The following PCDHGA2 variants were observed in gnomAD, a reference collection of about 807,000 sequenced individuals.
PCDHGA2 encodes protocadherin gamma subfamily A, 2.
A neutral mutation model predicts 59.2 loss-of-function variants in PCDHGA2; 40 were observed. The observed-to-expected ratio is 0.68, with a 90% CI of 0.52 to 0.88. The LOEUF (loss-of-function observed/expected upper bound fraction) is 0.88. PCDHGA2 is among the 40% of genes least tolerant of loss of function. PCDHGA2 has a pLI of 0.00. For synonymous variants in PCDHGA2, 560 were observed against 526.0 expected (o/e 1.06, Z -0.89); for missense variants, 1,226 against 1,204.0 (o/e 1.02, Z -0.27).
intron 1 of PCDHGA2, among the ~76,000 whole-genome samples, chr5:141,438,263 A>G (rs2097944986): frequency 6.6e-6 from 1 of 152,144 alleles, no homozygotes; most frequent in South Asian, 2.1e-4. Flanking sequence ...AAGAGACCAT[A>G]GAATCAAACA....
chr5:141,340,349 T>C lies in PCDHGA2; in HGVS notation c.1378T>C (p.Tyr460His), dbSNP rs1379135599. The change falls in exon 1 of 4, where the codon TAC becomes CAC. Residue 460 changes from tyrosine to histidine, a missense_variant. Physicochemically the swap from Tyr to His is moderately conservative, Grantham distance 83. Coordinates refer to ENST00000394576, the MANE Select transcript of PCDHGA2 (RefSeq NM_018915.4). ...CTTCTCCCGCACATCCTACTCCACCTACATTCCCGAAAACAACCCCAGAGG... is the reference window on the plus strand; with the variant it reads ...CTTCTCCCGCACATCCTACTCCACCCACATTCCCGAAAACAACCCCAGAGG... ...PAFSRTSYST[Y>H]IPENNPRGAS... 6.2e-7 allele frequency: 1 copy of C among 1,613,972 alleles called. No individual in the cohort carries two copies. The highest frequency in any genetic ancestry group is 8.5e-7 in the Non-Finnish European group (1 of 1,180,020).
In PCDHGA2 at chr5:141,487,268, G is replaced by A; in HGVS notation, c.2425-7539G>A. ...CCTCTACTTGGCTGTGTCCCTAGTG[G>A]CAATTTGCTTTGTCTCCTTTGGCTC... On this transcript the variant is annotated intron_variant, in intron 1 of 3. Transcript: ENST00000394576. This position sits in a 1 kb window ranked among gnomAD's most constrained non-coding sequence, Gnocchi z 5.0. 4 of 1,614,100 alleles carry A rather than the reference G, an allele frequency of 2.5e-6. No homozygotes were observed. The South Asian group carries it at 4.4e-5, about 18-fold the overall frequency.
At chr5:141,390,466 G>C (rs753916175) in intron 1 of PCDHGA2, 7 of 711,916 alleles carry the variant, frequency 9.8e-6, no homozygotes, top group Admixed American at 3.0e-5. Context: ...AGGAGCAATT[G>C]TGTGGCCCAA....
chr5:141,494,764 T>A (rs773955144), intron 1 of PCDHGA2, 43 bp from the exon 2 acceptor site: 1 of 1,613,932 alleles, frequency 6.2e-7, no homozygotes, highest in Non-Finnish European at 8.5e-7. Context: ...ACATTCTAAC[T>A]TCTCACGGGT....
In PCDHGA2 at chr5:141,375,693, G is replaced by C. The variant is rs112671050; in HGVS notation, c.2424+34298G>C. 1,209 of 1,614,256 alleles carry C rather than the reference G, an allele frequency of 7.5e-4. 14 individuals carry two copies. In the African/African-American group the frequency reaches 0.015, roughly 20 times the overall value. On this transcript the variant is annotated intron_variant, in intron 1 of 3. Coordinates refer to ENST00000394576, the MANE Select transcript of PCDHGA2 (RefSeq NM_018915.4). ...CAGCTGTGGGTGACAGCCAGCGACA[G>C]CGGGGACCCGCCTCTTAGCAGCAAC... is the stretch of plus-strand genomic sequence containing the variant.
In PCDHGA2 at chr5:141,419,493, A is replaced by G. The variant is rs1246204844; in HGVS notation, c.2425-75314A>G. 5.0e-6 allele frequency: 8 copies of G among 1,612,382 alleles called. No individual in the cohort carries two copies. The highest frequency in any genetic ancestry group is 1.7e-4 in the Middle Eastern group (1 of 5,978). On this transcript the variant is annotated intron_variant, in intron 1 of 3. Coordinates refer to ENST00000394576, the MANE Select transcript of PCDHGA2 (RefSeq NM_018915.4). ...CAGGGCTCGCCCGCGCTCAGCGCCA[A>G]TGTGAGCCTGCGCGTGTTGGTGGGC...
chr5:141,345,566 T>C (rs975447371), intron 1 of PCDHGA2: 1 of 1,614,064 alleles, frequency 6.2e-7, no homozygotes, highest in Non-Finnish European at 8.5e-7. Context: ...ACTCCAACAC[T>C]GGCGTCCTAT....
At chr5:141,385,662 A>G (rs2090316045) in intron 1 of PCDHGA2, 11 of 492,642 alleles carry the variant, frequency 2.2e-5, no homozygotes, top group Non-Finnish European at 2.8e-5. Context: ...GTTAGCAGGA[A>G]TAAAACACAC....
At chr5:141,421,921 G>T in intron 1 of PCDHGA2, 1 of 1,613,644 alleles carries the variant, frequency 6.2e-7, no homozygotes, top group Non-Finnish European at 8.5e-7. Context: ...CATTCGTGTG[G>T]TGGTCCTCGA....
At position 141,393,422 on chromosome 5, in the gene PCDHGA2, G is replaced by C. The variant is rs552855100; in HGVS notation, c.2424+52027G>C. 12 of 1,614,042 alleles carry C rather than the reference G, an allele frequency of 7.4e-6. No individual in the cohort carries two copies. The East Asian group carries it at 2.7e-4, about 36-fold the overall frequency. On this transcript the variant is annotated intron_variant, in intron 1 of 3. Coordinates refer to ENST00000394576, the MANE Select transcript of PCDHGA2 (RefSeq NM_018915.4). ...TGCTGGAGCGCGCCCTGGACAGGGA[G>C]GAAGAGGCTGCTCACCACCTGGTCC...
intron 1 of PCDHGA2, chr5:141,383,664 G>T (rs1486639863): frequency 6.2e-7 from 1 of 1,614,052 alleles, no homozygotes; most frequent in Non-Finnish European, 8.5e-7. Flanking sequence ...CCGAGAATGT[G>T]CCAGTGGGTA....
chr5:141,511,048 C>G lies in PCDHGA2; in HGVS notation c.2674C>G (p.Arg892Gly). The G allele has an allele frequency of 6.2e-7, 1 of 1,614,224 alleles. No homozygotes were observed. Among genetic ancestry groups the G allele is most frequent in the Non-Finnish European group, 8.5e-7 (1 of 1,180,028 alleles). ...QFTLQHVPDYRQNVYIPGSNA... is the reference protein window; with the variant it reads ...QFTLQHVPDYGQNVYIPGSNA... ...CACCCTGCAGCACGTGCCCGACTAC[C>G]GCCAGAATGTCTACATCCCAGGCAG... Residue 892 changes from arginine (R) to glycine (G), a missense_variant, in exon 4 of 4, where the codon CGC becomes GGC. Arg to Gly is a moderately radical substitution (Grantham distance 125, BLOSUM62 -2). Transcript: ENST00000394576.
In PCDHGA2 at chr5:141,493,307, AAG is replaced by A. The variant is rs2099747490; in HGVS notation, c.2425-1494_2425-1493del. Among the ~76,000 whole-genome samples, 1 of 152,234 alleles carries A rather than the reference AAG, an allele frequency of 6.6e-6. No homozygotes were observed. Among genetic ancestry groups the A allele is most frequent in the South Asian group, 2.1e-4 (1 of 4,832 alleles). ...ACTTGCTCAAGTTCACAGAGCAAGT[AAG>A]AGAGATTCTAACCCCTGTCTAACTC... On this transcript the variant is annotated intron_variant, in intron 1 of 3. Transcript: ENST00000394576. This position sits in a 1 kb window ranked among gnomAD's most constrained non-coding sequence, Gnocchi z 4.3.
intron 1 of PCDHGA2, chr5:141,441,728 G>T: frequency 2.8e-6 from 1 of 361,966 alleles, no homozygotes. Flanking sequence ...CCCGCGACCA[G>T]GACTAGCTCG....
At position 141,491,884 on chromosome 5, in the gene PCDHGA2, G is replaced by A. The variant is rs745931108; in HGVS notation, c.2425-2923G>A. The A allele has an allele frequency of 2.8e-6, 4 of 1,446,372 alleles. No homozygotes were observed. The highest frequency in any genetic ancestry group is 2.9e-5 in the Admixed American group (1 of 34,718). 89.6% of individuals were successfully genotyped at this position (1,446,372 alleles called of 1,614,324 possible). ...AACCAGAGTGGCCGATTAAGGGATG[G>A]GGCTCCGAGCACCGGGGGTGGTGGC... On this transcript the variant is annotated intron_variant, in intron 1 of 3. Coordinates refer to ENST00000394576, the MANE Select transcript of PCDHGA2 (RefSeq NM_018915.4). This position sits in a 1 kb window ranked among gnomAD's most constrained non-coding sequence, Gnocchi z 6.9.
chr5:141,339,319 T>C lies in PCDHGA2; in HGVS notation c.348T>C (p.Ile116=). 1 of 1,614,250 alleles carries C rather than the reference T, an allele frequency of 6.2e-7. No individual in the cohort carries two copies. Among genetic ancestry groups the C allele is most frequent in the Non-Finnish European group, 8.5e-7 (1 of 1,180,034 alleles). The change falls in exon 1 of 4, where the codon ATT becomes ATC. Residue 116 remains isoleucine (I), a synonymous_variant. Transcript: ENST00000394576. The stretch of plus-strand genomic sequence containing the variant: ...TTCTGCTGGAGGATAAATTGACTAT[T>C]TATTCAGTAGAGGTGGAAATAACAG... The part of the protein sequence containing the change: ...FNILLEDKLT[I]YSVEVEITDI...
intron 1 of PCDHGA2, chr5:141,352,199 C>G: frequency 6.2e-7 from 1 of 1,613,920 alleles, no homozygotes; most frequent in Non-Finnish European, 8.5e-7. Context: ...TGATGGAGGA[C>G]AGCCGCCACT....
At chr5:141,399,655 G>A in intron 1 of PCDHGA2, 2 of 1,613,730 alleles carry the variant, frequency 1.2e-6, no homozygotes, top group South Asian at 1.1e-5. Context: ...AAGTGGGGTG[G>A]TGTTCGCGCA....
chr5:141,382,577 A>T (rs533715089), intron 1 of PCDHGA2, among the ~76,000 whole-genome samples: 47 of 152,338 alleles, frequency 3.1e-4, no homozygotes, highest in Middle Eastern at 6.8e-3. Flanking sequence ...TCTAACAGGG[A>T]AATTTTGAAA....
Sources: gnomAD v4.1 joint callset for allele counts (sites outside exome capture counted in the v4.1 genomes callset) on GRCh38, gnomAD v4.1.1 for gene constraint, Gnocchi (gnomAD v3.1) non-coding constraint, MANE v1.5 for transcripts, NCBI Gene and HGNC (gene_info 2026-07-23, HGNC 2026-07-21) for gene names.